PCDH7: variants seen among roughly 807,000 people sequenced by gnomAD.
PCDH7 encodes protocadherin-7.
A neutral mutation model predicts 58.9 loss-of-function variants in PCDH7; 17 were observed. That is an observed-to-expected ratio of 0.29 (90% CI 0.20 to 0.43). The LOEUF is 0.43. Ranked by LOEUF, PCDH7 falls within the 20% of genes least tolerant of loss-of-function variation. PCDH7 has a pLI of 1.00. For synonymous variants in PCDH7, 664 were observed against 616.4 expected, an observed-to-expected ratio of 1.08 and a Z score of -1.14; for missense variants, 1,274 against 1,441.0, an observed-to-expected ratio of 0.88 and a Z score of 1.88.
intron 3 of PCDH7, among the ~76,000 whole-genome samples, chr4:31,107,261 T>C (rs1715694651): frequency 6.6e-6 from 1 of 152,160 alleles, no homozygotes; most frequent in South Asian, 2.1e-4. Flanking sequence ...AATTGAAGGC[T>C]AAATGGTGAT....
chr4:30,908,255 A>AAG (rs56172855), intron 1 of PCDH7, among the ~76,000 whole-genome samples: 1 of 146,530 alleles, frequency 6.8e-6, no homozygotes, highest in African/African-American at 2.5e-5. Context: ...AAAAAAAAAA[A>AAG]GAAGAAAAGA....
At chr4:31,131,873 G>A (rs1278363690) in intron 3 of PCDH7, among the ~76,000 whole-genome samples, 1 of 151,996 alleles carries the variant, frequency 6.6e-6, no homozygotes, top group East Asian at 1.9e-4. Flanking sequence ...AAAAATGCAT[G>A]GGTGTCATAT....
At chr4:30,870,304 C>A (rs554221511) in intron 1 of PCDH7, among the ~76,000 whole-genome samples, 5 of 152,100 alleles carry the variant, frequency 3.3e-5, no homozygotes, top group African/African-American at 1.2e-4. Context: ...TCCCATTTGT[C>A]AATTTTGGGT....
chr4:31,072,358 A>G (rs1173163380), intron 3 of PCDH7, among the ~76,000 whole-genome samples: 1 of 152,120 alleles, frequency 6.6e-6, no homozygotes, highest in African/African-American at 2.4e-5. Flanking sequence ...TGTCTCACTT[A>G]AAGAGCCTGT....
At chr4:30,835,223 C>T (rs1418453649) in intron 1 of PCDH7, among the ~76,000 whole-genome samples, 7 of 152,032 alleles carry the variant, frequency 4.6e-5, no homozygotes, top group Non-Finnish European at 8.8e-5. Flanking sequence ...GATCCCAACC[C>T]CCGGGCCACG....
intron 3 of PCDH7, among the ~76,000 whole-genome samples, chr4:30,952,855 G>A (rs187970370): frequency 3.0e-4 from 45 of 152,192 alleles, no homozygotes; most frequent in East Asian, 1.5e-3. Flanking sequence ...TAGAGAATAC[G>A]GTTGAGACAG....
chr4:30,999,192 GT>G (rs1207056595), intron 3 of PCDH7, among the ~76,000 whole-genome samples: 2 of 152,124 alleles, frequency 1.3e-5, no homozygotes, highest in African/African-American at 4.8e-5. Flanking sequence ...TTGAGATCTA[GT>G]TAACTACTTA....
At chr4:31,038,539 A>G (rs1159672792) in intron 3 of PCDH7, among the ~76,000 whole-genome samples, 1 of 152,150 alleles carries the variant, frequency 6.6e-6, no homozygotes, top group Non-Finnish European at 1.5e-5. Context: ...CTTATTTTTC[A>G]TTATAATTTT....
intron 3 of PCDH7, among the ~76,000 whole-genome samples, chr4:31,078,450 C>A (rs1759184495): frequency 6.6e-6 from 1 of 150,654 alleles, no homozygotes; most frequent in Non-Finnish European, 1.5e-5. Context: ...GCTTGGCTAA[C>A]TTTTTTTTTC....
chr4:30,818,529 A>C (rs566928607), intron 1 of PCDH7, among the ~76,000 whole-genome samples: 1 of 152,286 alleles, frequency 6.6e-6, no homozygotes, highest in East Asian at 1.9e-4. Flanking sequence ...CTTGAAGAGA[A>C]TCTAACAATT....
At chr4:30,927,305 C>T (rs7662881) in intron 2 of PCDH7, among the ~76,000 whole-genome samples, 105,661 of 152,012 alleles carry the variant, frequency 0.7, 36,753 homozygotes, top group East Asian at 0.78. Context: ...ATAAAAAAAC[C>T]TTGTGCTGTG....
chr4:30,918,695 TG>T (rs1429078157), intron 1 of PCDH7, among the ~76,000 whole-genome samples: 4 of 152,166 alleles, frequency 2.6e-5, no homozygotes, highest in African/African-American at 7.2e-5. Flanking sequence ...TCAACTATTC[TG>T]ATTTTGACTT....
At chr4:30,790,231 G>A (rs2109297772) in intron 1 of PCDH7, among the ~76,000 whole-genome samples, 1 of 152,286 alleles carries the variant, frequency 6.6e-6, no homozygotes, top group South Asian at 2.1e-4. Flanking sequence ...AGTCAATTCT[G>A]TAGAGGCGAT....
In PCDH7 at chr4:30,723,013, A is replaced by C. The variant is rs1368718594; in HGVS notation, c.1591A>C (p.Asn531His). ...TGTCAAGGTGGGAGACACCAACGACAACCCGCCCATGTTCGGCCAGTCGGT... is the reference window on the plus strand; with the variant it reads ...TGTCAAGGTGGGAGACACCAACGACCACCCGCCCATGTTCGGCCAGTCGGT... The change falls in exon 1 of 2, where the codon AAC (asparagine) becomes CAC (histidine). Residue 531 changes from asparagine to histidine, a missense_variant. Transcript: ENST00000361762. The surrounding 1 kb of genome is among the most constrained non-coding windows in gnomAD (Gnocchi z 4.6). 6 of 1,613,750 alleles carry C rather than the reference A, an allele frequency of 3.7e-6. No homozygotes were observed. Among genetic ancestry groups the C allele is most frequent in the African/African-American group, 1.3e-5 (1 of 74,932 alleles).
At chr4:31,076,242 C>T (rs537081674) in intron 3 of PCDH7, among the ~76,000 whole-genome samples, 2 of 152,238 alleles carry the variant, frequency 1.3e-5, no homozygotes, top group South Asian at 4.1e-4. Context: ...TGCCAATGCT[C>T]TTAATATGTA....
chr4:30,986,994 AAGAT>A (rs1426092618), intron 3 of PCDH7, among the ~76,000 whole-genome samples: 10 of 152,102 alleles, frequency 6.6e-5, no homozygotes, highest in Admixed American at 5.2e-4. Context: ...AAAAATAAGA[AAGAT>A]AGTATCTTTA....
chr4:30,894,130 G>A (rs1420715154), intron 1 of PCDH7, among the ~76,000 whole-genome samples: 1 of 152,006 alleles, frequency 6.6e-6, no homozygotes, highest in Non-Finnish European at 1.5e-5. Flanking sequence ...TATGAACCTT[G>A]TATTCTGAAG....
At chr4:30,774,521 T>C (rs948629848) in intron 1 of PCDH7, among the ~76,000 whole-genome samples, 1 of 152,312 alleles carries the variant, frequency 6.6e-6, no homozygotes, top group East Asian at 1.9e-4. Context: ...CAGATGTTCA[T>C]TGAGTGCCTG....
At position 30,739,138 on chromosome 4, in the gene PCDH7, A is replaced by AAATATATATTTT. The variant is rs1253246125; in HGVS notation, c.70+14542_70+14543insAATATATATTTT. Among the ~76,000 whole-genome samples the AAATATATATTTT allele has an allele frequency of 3.8e-3, 563 of 146,466 alleles. 5 individuals carry two copies. Among genetic ancestry groups the AAATATATATTTT allele is most frequent in the African/African-American group, 0.013 (521 of 40,212 alleles). ...ATATATATATATTTTATATATAAAA[A>AAATATATATTTT]TATATATATTTTATATATATATTAT... On this transcript the variant is annotated intron_variant, in intron 1 of 3. Transcript: ENST00000509759.
Sources: allele counts gnomAD v4.1 joint callset (sites outside exome capture counted in the v4.1 genomes callset), GRCh38; gene constraint gnomAD v4.1.1; non-coding constraint Gnocchi (gnomAD v3.1); transcripts MANE v1.5; gene names NCBI Gene and HGNC (gene_info 2026-07-23, HGNC 2026-07-21).